ADAMTS20: variants seen among roughly 807,000 people sequenced by gnomAD.
ADAMTS20 encodes ADAM metallopeptidase with thrombospondin type 1 motif 20.
A neutral mutation model predicts 260.1 loss-of-function variants in ADAMTS20; 225 were observed. The observed-to-expected ratio is 0.87, with a 90% CI of 0.78 to 0.97. The LOEUF (loss-of-function observed/expected upper bound fraction) is 0.97. Among genes scored for constraint, ADAMTS20 ranks in the 50% least tolerant of loss-of-function variants. The pLI, the probability that ADAMTS20 is intolerant of heterozygous loss-of-function variation, is 0.00. For missense variants in ADAMTS20, 2,400 were observed against 2,337.7 expected (o/e 1.03, Z -0.55); for synonymous variants, 802 against 769.5 (o/e 1.04, Z -0.70).
At chr12:43,535,352 T>C (rs1943280465) in intron 2 of ADAMTS20, among the ~76,000 whole-genome samples, 1 of 152,158 alleles carries the variant, frequency 6.6e-6, no homozygotes, top group South Asian at 2.1e-4. Flanking sequence ...AGGGCATAAA[T>C]TTGAAAACTT....
rs1377865312 is a variant in ADAMTS20 at position 43,423,947 on chromosome 12, T to G, written c.4284+1567A>C. ...CTCCTATAAAGTTAAAATGTTCTGT[T>G]GTTTAATATCATCAGTCACACTTTG... On this transcript the variant is annotated intron_variant, in intron 28 of 38. Coordinates refer to ENST00000389420, the MANE Select transcript of ADAMTS20 (RefSeq NM_025003.5). 5.7e-6 allele frequency: 4 copies of G among 702,504 alleles called. No individual in the cohort carries two copies. In the African/African-American group the frequency reaches 7.0e-5, roughly 12 times the overall value. The allele number at this position is 702,504 out of a possible 1,614,324, so 43.5% of individuals were successfully genotyped here.
At chr12:43,404,069 A>T (rs1940865400) in intron 28 of ADAMTS20, among the ~76,000 whole-genome samples, 1 of 152,054 alleles carries the variant, frequency 6.6e-6, no homozygotes, top group Admixed American at 6.6e-5. Context: ...GGGTTCTTAC[A>T]GAATTTTTTT....
intron 2 of ADAMTS20, among the ~76,000 whole-genome samples, chr12:43,543,767 C>T (rs577032674): frequency 2.0e-5 from 3 of 152,048 alleles, no homozygotes; most frequent in Non-Finnish European, 4.4e-5. Flanking sequence ...AAAATCAACG[C>T]CCCTCATTTT....
intron 8 of ADAMTS20, among the ~76,000 whole-genome samples, chr12:43,467,063 C>A (rs1416793365): frequency 6.6e-6 from 1 of 151,936 alleles, no homozygotes; most frequent in Admixed American, 6.6e-5. Flanking sequence ...ACAATATGGA[C>A]CACAGCATTG....
At chr12:43,354,827 G>T (rs1487228562) in intron 38 of ADAMTS20, among the ~76,000 whole-genome samples, 1 of 152,070 alleles carries the variant, frequency 6.6e-6, no homozygotes, top group Non-Finnish European at 1.5e-5. Context: ...GTAAAATGGA[G>T]AAAATAAATA....
intron 4 of ADAMTS20, among the ~76,000 whole-genome samples, chr12:43,493,836 C>T (rs779527948): frequency 6.6e-6 from 1 of 152,100 alleles, no homozygotes; most frequent in Non-Finnish European, 1.5e-5. Context: ...TTAGCATCAC[C>T]AGAATCCATA....
At chr12:43,488,331 T>C (rs2137424618) in intron 7 of ADAMTS20, among the ~76,000 whole-genome samples, 1 of 152,262 alleles carries the variant, frequency 6.6e-6, no homozygotes, top group Non-Finnish European at 1.5e-5. Flanking sequence ...ATTAATTATA[T>C]TGGTTTTAAG....
chr12:43,512,151 T>A (rs1031891004), intron 3 of ADAMTS20, among the ~76,000 whole-genome samples: 1 of 151,270 alleles, frequency 6.6e-6, no homozygotes, highest in African/African-American at 2.4e-5. Flanking sequence ...ATGAGGTAAG[T>A]ACTATTATTA....
chr12:43,414,470 A>G (rs1941092333), intron 28 of ADAMTS20, among the ~76,000 whole-genome samples: 2 of 152,194 alleles, frequency 1.3e-5, no homozygotes, highest in Non-Finnish European at 2.9e-5. Context: ...CAGGGTACTT[A>G]TATCCAGAAC....
chr12:43,446,866 T>C (rs1941772486), intron 14 of ADAMTS20, 154 bp from the exon 15 acceptor site: 1 of 609,364 alleles, frequency 1.6e-6, no homozygotes, highest in South Asian at 2.0e-5. Flanking sequence ...TGAACACCTC[T>C]ATGCACATGA....
rs905494632 is a variant in ADAMTS20 at position 43,418,370 on chromosome 12, C to T, written c.4284+7144G>A. Reference sequence around the variant, plus strand: ...ATGTCGCCAGGCTGGAGTGCAATGGCGCTATCTTGGCTCACTGCAACCTCC... The same window carrying T: ...ATGTCGCCAGGCTGGAGTGCAATGGTGCTATCTTGGCTCACTGCAACCTCC... On this transcript the variant is annotated intron_variant, in intron 28 of 38. Coordinates refer to ENST00000389420, the MANE Select transcript of ADAMTS20 (RefSeq NM_025003.5). Among the ~76,000 whole-genome samples, 11 of 152,094 alleles carry T rather than the reference C, an allele frequency of 7.2e-5. 1 individual carries two copies. The highest frequency in any genetic ancestry group is 4.4e-5 in the Non-Finnish European group (3 of 68,016).
In ADAMTS20 at chr12:43,443,815, C is replaced by T. The variant is rs754203391; in HGVS notation, c.2266G>A (p.Gly756Arg). ...CCAAGGTAACTGTCATCTGGTTGTC[C>T]AGAATAGCTGTACTGACGAATGTCA... ...NVDIRQYSYSGQPDDSYLALS... is the reference protein window; with the variant it reads ...NVDIRQYSYSRQPDDSYLALS... Residue 756 changes from glycine (G) to arginine (R), a missense_variant, in exon 16 of 39, where the codon GGA becomes AGA. Coordinates refer to ENST00000389420, the MANE Select transcript of ADAMTS20 (RefSeq NM_025003.5). 5 of 1,612,024 alleles carry T rather than the reference C, an allele frequency of 3.1e-6. No individual in the cohort carries two copies. Among genetic ancestry groups the T allele is most frequent in the Non-Finnish European group, 4.2e-6 (5 of 1,178,624 alleles).
chr12:43,479,318 A>G (rs1942407492), intron 7 of ADAMTS20, among the ~76,000 whole-genome samples: 1 of 152,218 alleles, frequency 6.6e-6, no homozygotes, highest in Non-Finnish European at 1.5e-5. Flanking sequence ...TAGTAAATAA[A>G]TAGTTGATTT....
At chr12:43,460,988 A>ATATATTTTTTT in intron 11 of ADAMTS20, among the ~76,000 whole-genome samples, 7 of 26,394 alleles carry the variant, frequency 2.7e-4, no homozygotes, top group African/African-American at 8.9e-4. Context: ...ATATATATAT[A>ATATATTTTTTT]TTTTTTTTTT....
At chr12:43,378,678 A>G (rs1940282847) in intron 31 of ADAMTS20, among the ~76,000 whole-genome samples, 1 of 152,230 alleles carries the variant, frequency 6.6e-6, no homozygotes, top group Non-Finnish European at 1.5e-5. Flanking sequence ...TTCATGGCTG[A>G]CATGCAACAG....
intron 3 of ADAMTS20, among the ~76,000 whole-genome samples, chr12:43,517,196 T>C (rs1943010458): frequency 6.6e-6 from 1 of 151,984 alleles, no homozygotes; most frequent in African/African-American, 2.4e-5. Context: ...AGGACAGTTC[T>C]AGAAAAACTA....
Position 43,551,020 on chromosome 12 carries a change from G to A in ADAMTS20, c.342C>T (p.Arg114=), listed in dbSNP as rs1455402787. ...GCCCTGCGTCGCTCTCCCAGGCCCC[G>A]CGCTCCGGGGTTCCCAAGTGCACCT... ...YTEVHLGTPE[R]GAWESDAGPS... Residue 114 remains arginine (R), a synonymous_variant, in exon 2 of 39, where the codon CGC becomes CGT. Transcript: ENST00000389420. The surrounding 1 kb of genome is among the most constrained non-coding windows in gnomAD (Gnocchi z 4.6). 27 of 1,613,752 alleles carry A rather than the reference G, an allele frequency of 1.7e-5. No homozygotes were observed. The highest frequency in any genetic ancestry group is 2.1e-5 in the Non-Finnish European group (25 of 1,179,782).
intron 2 of ADAMTS20, among the ~76,000 whole-genome samples, chr12:43,549,006 A>G (rs1218773618): frequency 6.6e-6 from 1 of 152,100 alleles, no homozygotes; most frequent in Non-Finnish European, 1.5e-5. Context: ...TAGTAAAAGA[A>G]CATTCAGAAC....
chr12:43,428,874 C>T (rs1056382010), intron 24 of ADAMTS20, 75 bp from the exon 25 acceptor site: 20 of 1,313,902 alleles, frequency 1.5e-5, no homozygotes, highest in Admixed American at 2.6e-5. Context: ...ATAGCTGTTA[C>T]TCACATTTCT....
Sources: gnomAD v4.1 joint callset for allele counts (sites outside exome capture counted in the v4.1 genomes callset) on GRCh38, gnomAD v4.1.1 for gene constraint, Gnocchi (gnomAD v3.1) non-coding constraint, MANE v1.5 for transcripts, NCBI Gene and HGNC (gene_info 2026-07-23, HGNC 2026-07-21) for gene names.